Variants in ERG observed in about 807,000 individuals in gnomAD.
ERG encodes the protein transcriptional regulator ERG.
Under a neutral mutation model 55.3 loss-of-function variants are expected in ERG, and 9 were observed. That is an observed-to-expected ratio of 0.16 (90% CI 0.10 to 0.28). The LOEUF (loss-of-function observed/expected upper bound fraction) is 0.28, where lower values mean the gene tolerates loss of function less well. ERG is among the 10% of genes least tolerant of loss of function. The pLI, the probability that ERG is intolerant of heterozygous loss-of-function variation, is 1.00. For synonymous variants in ERG, 223 were observed against 237.3 expected (o/e 0.94, Z 0.55); for missense variants, 434 against 631.6 (o/e 0.69, Z 3.35).
rs188364523 is a variant in ERG at position 38,531,187 on chromosome 21, A to G, written c.-41+44475T>C. Among the ~76,000 whole-genome samples, 13 of 152,308 alleles carry G rather than the reference A, an allele frequency of 8.5e-5. No homozygotes were observed. The East Asian group carries it at 2.3e-3, about 27-fold the overall frequency. ...CAGCACATCTGGTGACTAGTAGTGTAGATTCCCCACAGAAGGAATGACAAG... is the reference window on the plus strand; with the variant it reads ...CAGCACATCTGGTGACTAGTAGTGTGGATTCCCCACAGAAGGAATGACAAG... On this transcript the variant is annotated intron_variant, in intron 2 of 8. Coordinates refer to the ERG transcript ENST00000398897.
intron 1 of ERG, among the ~76,000 whole-genome samples, chr21:38,628,649 C>T (rs1430488005): frequency 6.6e-6 from 1 of 152,212 alleles, no homozygotes; most frequent in Non-Finnish European, 1.5e-5. Context: ...TGGTGGCTCC[C>T]TCCCCACAGT....
chr21:38,429,195 G>A (rs1989987831), intron 2 of ERG, among the ~76,000 whole-genome samples: 1 of 151,974 alleles, frequency 6.6e-6, no homozygotes, highest in Non-Finnish European at 1.5e-5. Context: ...CTCCATCCAA[G>A]TTGCTGCAAA....
At position 38,380,177 on chromosome 21, in the gene ERG, C is replaced by T. The variant is rs188530237; in HGVS notation, c.*3226G>A. 190 of 1,046,800 alleles carry T rather than the reference C, an allele frequency of 1.8e-4. 1 individual carries two copies. In the African/African-American group the frequency reaches 2.6e-3, roughly 14 times the overall value. The allele number at this position is 1,046,800 out of a possible 1,614,324, so 64.8% of individuals were successfully genotyped here. A position where few individuals can be genotyped will look rare whatever the true frequency, so the allele number is the denominator to read the frequency against. ...CTCCAGGCAATGGGTCACTTTGGGG[C>T]GCTGCAGAACATCTGTGCTTTCCCT... On this transcript the variant is annotated 3_prime_UTR_variant, in exon 10 of 10. Transcript: ENST00000288319.
chr21:38,465,301 C>T (rs1478119087), intron 1 of ERG, among the ~76,000 whole-genome samples: 2 of 152,138 alleles, frequency 1.3e-5, no homozygotes, highest in Admixed American at 6.5e-5. Flanking sequence ...AAAAGCCGAT[C>T]TGAAAAGACT....
chr21:38,640,194 GAA>G (rs1392765896), intron 1 of ERG, among the ~76,000 whole-genome samples: 3 of 152,114 alleles, frequency 2.0e-5, no homozygotes, highest in African/African-American at 4.8e-5. Flanking sequence ...GAAAATCAAT[GAA>G]AAGTTATTGT....
In ERG at chr21:38,382,512, C is replaced by T. The variant is rs1398002921; in HGVS notation, c.*891G>A. The T allele has an allele frequency of 1.9e-6, 2 of 1,065,204 alleles. No homozygotes were observed. The highest frequency in any genetic ancestry group is 5.0e-5 in the East Asian group (1 of 20,032). 66.0% of individuals were successfully genotyped at this position (1,065,204 alleles called of 1,614,324 possible). The stretch of plus-strand genomic sequence containing the variant: ...TTTGTTTCTGAATTCTACTACTTCC[C>T]CTTTCTCCATTACGCTGTGTCCTTT... On this transcript the variant is annotated 3_prime_UTR_variant, in exon 10 of 10. Coordinates refer to ENST00000288319, the MANE Select transcript of ERG (RefSeq NM_182918.4).
chr21:38,429,351 T>C (rs552960189), intron 2 of ERG, among the ~76,000 whole-genome samples: 2 of 150,200 alleles, frequency 1.3e-5, no homozygotes, highest in Admixed American at 6.7e-5. Flanking sequence ...TATGCACACA[T>C]ATACATATAT....
At chr21:38,660,813 AG>A (rs2060549831) in intron 1 of ERG, 1 of 151,162 alleles carries the variant, frequency 6.6e-6, no homozygotes, top group Non-Finnish European at 1.5e-5. Context: ...GCGCGTGGCC[AG>A]GTGCGCGTGG....
chr21:38,436,027 T>C (rs1990429006), intron 2 of ERG, among the ~76,000 whole-genome samples: 1 of 150,462 alleles, frequency 6.6e-6, no homozygotes, highest in Non-Finnish European at 1.5e-5. Context: ...TTTCTTTTTT[T>C]TTTTTTTTTG....
chr21:38,611,939 G>A (rs562278498), intron 1 of ERG, among the ~76,000 whole-genome samples: 1 of 151,914 alleles, frequency 6.6e-6, no homozygotes, highest in South Asian at 2.1e-4. Flanking sequence ...GAAAAAAAGC[G>A]GGGGGTTCAT....
chr21:38,525,747 A>G (rs1448707889), intron 2 of ERG, among the ~76,000 whole-genome samples: 3 of 152,210 alleles, frequency 2.0e-5, no homozygotes, highest in African/African-American at 7.2e-5. Context: ...AAGTTACTGC[A>G]ATGTGCAGAA....
chr21:38,573,995 T>C (rs1314499958), intron 2 of ERG, among the ~76,000 whole-genome samples: 2 of 152,240 alleles, frequency 1.3e-5, no homozygotes, highest in African/African-American at 2.4e-5. Flanking sequence ...TATGGGATTG[T>C]TTCACCTTTA....
chr21:38,443,055 C>T (rs1262110734), intron 2 of ERG, among the ~76,000 whole-genome samples: 2 of 152,212 alleles, frequency 1.3e-5, no homozygotes, highest in African/African-American at 4.8e-5. Flanking sequence ...GATCCACCCG[C>T]CTTGGCCTCC....
chr21:38,552,748 G>A (rs912361827), intron 2 of ERG, among the ~76,000 whole-genome samples: 5 of 151,370 alleles, frequency 3.3e-5, no homozygotes, highest in Non-Finnish European at 7.4e-5. Context: ...AAAGCTGGAA[G>A]CATTCCCCAT....
intron 1 of ERG, among the ~76,000 whole-genome samples, chr21:38,464,729 C>T (rs921697425): frequency 6.6e-6 from 1 of 151,966 alleles, no homozygotes; most frequent in African/African-American, 2.4e-5. Context: ...TCCTACCCCC[C>T]GAGAGGCCCT....
At chr21:38,629,140 T>C (rs1389898873) in intron 1 of ERG, among the ~76,000 whole-genome samples, 1 of 152,074 alleles carries the variant, frequency 6.6e-6, no homozygotes, top group Non-Finnish European at 1.5e-5. Context: ...GCTTGCAGAG[T>C]TCCCCTGTGG....
chr21:38,419,731 T>C (rs1320008060), intron 3 of ERG, among the ~76,000 whole-genome samples: 2 of 151,260 alleles, frequency 1.3e-5, no homozygotes, highest in African/African-American at 4.8e-5. Flanking sequence ...TTCAGGGACA[T>C]TTTCTAGTTG....
intron 2 of ERG, among the ~76,000 whole-genome samples, chr21:38,506,959 A>T (rs62219610): frequency 6.6e-6 from 1 of 152,146 alleles, no homozygotes; most frequent in African/African-American, 2.4e-5. Context: ...TATTTTTAAA[A>T]GGAAACAAAC....
intron 3 of ERG, among the ~76,000 whole-genome samples, chr21:38,409,905 C>A (rs1164513288): frequency 1.3e-5 from 2 of 152,168 alleles, no homozygotes; most frequent in Non-Finnish European, 2.9e-5. Flanking sequence ...TAACACCAAT[C>A]ACAGAAAACT....
Sources: allele counts gnomAD v4.1 joint callset (sites outside exome capture counted in the v4.1 genomes callset), GRCh38; gene constraint gnomAD v4.1.1; transcripts MANE v1.5; gene names NCBI Gene and HGNC (gene_info 2026-07-23, HGNC 2026-07-21).